Variants in TIAM1 observed in about 807,000 individuals in gnomAD.
TIAM1 encodes TIAM Rac1 associated GEF 1, also known as rho guanine nucleotide exchange factor TIAM1.
TIAM1 carries 65 observed loss-of-function variants against 163.5 expected under a neutral mutation model. The ratio of observed to expected loss-of-function variants is 0.40; its 90% CI spans 0.33 to 0.49. The LOEUF is 0.49. Ranked by LOEUF, TIAM1 falls within the 20% of genes least tolerant of loss-of-function variation. TIAM1 has a pLI of 0.77. For synonymous variants in TIAM1, 833 were observed against 810.1 expected, an observed-to-expected ratio of 1.03 and a Z score of -0.48; for missense variants, 1,789 against 2,044.7, an observed-to-expected ratio of 0.87 and a Z score of 2.41.
At chr21:31,410,423 C>T (rs1015607418) in intron 2 of TIAM1, among the ~76,000 whole-genome samples, 10 of 150,348 alleles carry the variant, frequency 6.7e-5, no homozygotes, top group Admixed American at 2.7e-4. Context: ...TATGTGAGTG[C>T]GTAAGTGTAT....
chr21:31,398,324 T>C (rs924602059), intron 2 of TIAM1, among the ~76,000 whole-genome samples: 2 of 152,174 alleles, frequency 1.3e-5, no homozygotes, highest in African/African-American at 4.8e-5. Flanking sequence ...TCCTTCTGAA[T>C]GAAGAACTGT....
At chr21:31,279,424 T>C (rs2073445971) in intron 2 of TIAM1, among the ~76,000 whole-genome samples, 1 of 152,232 alleles carries the variant, frequency 6.6e-6, no homozygotes, top group Non-Finnish European at 1.5e-5. Context: ...ATTTGGGAAC[T>C]ATCAGTACTC....
chr21:31,365,167 A>T (rs2076477661), intron 2 of TIAM1, among the ~76,000 whole-genome samples: 1 of 152,136 alleles, frequency 6.6e-6, no homozygotes, highest in African/African-American at 2.4e-5. Flanking sequence ...CTAGTCTCCA[A>T]ACACGCCAGT....
chr21:31,424,166 C>T (rs549210461), intron 2 of TIAM1, among the ~76,000 whole-genome samples: 1 of 152,280 alleles, frequency 6.6e-6, no homozygotes, highest in South Asian at 2.1e-4. Flanking sequence ...CTTTCTTTTT[C>T]ATTTTTAATA....
chr21:31,532,955 T>A (rs2048017850), intron 1 of TIAM1, among the ~76,000 whole-genome samples: 1 of 152,100 alleles, frequency 6.6e-6, no homozygotes, highest in African/African-American at 2.4e-5. Context: ...TAAATATACC[T>A]ACCCTAGCAG....
chr21:31,197,276 A>C (rs1171351044), intron 12 of TIAM1, among the ~76,000 whole-genome samples: 4 of 152,250 alleles, frequency 2.6e-5, no homozygotes, highest in Non-Finnish European at 5.9e-5. Flanking sequence ...TTTAAACAAA[A>C]AAGGCTGGAA....
At chr21:31,314,613 T>C (rs1052522669) in intron 2 of TIAM1, among the ~76,000 whole-genome samples, 2 of 151,804 alleles carry the variant, frequency 1.3e-5, no homozygotes, top group African/African-American at 4.9e-5. Context: ...TATTCCAATA[T>C]ATTTTTTTAG....
At chr21:31,459,884 G>C (rs922317188) in intron 2 of TIAM1, among the ~76,000 whole-genome samples, 2 of 152,210 alleles carry the variant, frequency 1.3e-5, no homozygotes, top group Non-Finnish European at 2.9e-5. Flanking sequence ...ACTGGAGCCG[G>C]ATGGTGCATG....
At chr21:31,165,770 A>G (rs1452160105) in intron 15 of TIAM1, among the ~76,000 whole-genome samples, 1 of 152,186 alleles carries the variant, frequency 6.6e-6, no homozygotes, top group African/African-American at 2.4e-5. Context: ...AATTACTAAA[A>G]TAATTAAATA....
At chr21:31,219,024 CTTTTTTTTTTT>C (rs35555743) in intron 8 of TIAM1, among the ~76,000 whole-genome samples, 28 of 88,528 alleles carry the variant, frequency 3.2e-4, no homozygotes, top group African/African-American at 3.8e-4. Context: ...GAAGCATTTC[CTTTTTTTTTTT>C]TTTTTTTTTT....
At position 31,395,546 on chromosome 21, in the gene TIAM1, A is replaced by G. The variant is rs1368826220; in HGVS notation, c.-368-56124T>C. ...AGGCGAAGAGAAGGGCCAACCCTGC[A>G]TTTTCTGCCACAGGAGAATGTATTG... On this transcript the variant is annotated intron_variant, in intron 2 of 28. Coordinates refer to the TIAM1 transcript ENST00000286827. This position sits in a 1 kb window ranked among gnomAD's most constrained non-coding sequence, Gnocchi z 7.5. Among the ~76,000 whole-genome samples, 1 of 152,226 alleles carries G rather than the reference A, an allele frequency of 6.6e-6. No homozygotes were observed. Among genetic ancestry groups the G allele is most frequent in the Non-Finnish European group, 1.5e-5 (1 of 68,046 alleles).
chr21:31,473,200 C>A (rs527624818), intron 1 of TIAM1, among the ~76,000 whole-genome samples: 5 of 152,202 alleles, frequency 3.3e-5, no homozygotes, highest in Non-Finnish European at 7.4e-5. Context: ...GGAGGCCAAG[C>A]GGGCAGATCA....
chr21:31,505,807 C>T (rs575087087), intron 1 of TIAM1, among the ~76,000 whole-genome samples: 10 of 152,012 alleles, frequency 6.6e-5, no homozygotes, highest in African/African-American at 1.7e-4. Flanking sequence ...GAGTTCGAGA[C>T]GAGCATGGCC....
Position 31,136,011 on chromosome 21 carries a change from A to C in TIAM1, c.3805T>G (p.Leu1269Val). 1.2e-6 allele frequency: 2 copies of C among 1,614,138 alleles called. No individual in the cohort carries two copies. Among genetic ancestry groups the C allele is most frequent in the South Asian group, 2.2e-5 (2 of 91,082 alleles). Residue 1269 changes from leucine (L) to valine (V), a missense_variant, in exon 23 of 28, where the codon TTG (leucine) becomes GTG (valine). By Grantham distance (32) the Leu-to-Val change is conservative. Transcript: ENST00000541036. The part of the protein sequence containing the change: ...VADLSMGDLL[L>V]HTTVIWLNPP... ...TTCAGCCAGATCACGGTAGTGTGCA[A>C]AAGCAGGTCTCCCATGCTCAGATCT...
At chr21:31,182,748 C>A in intron 14 of TIAM1, 103 bp from the exon 15 acceptor site, 1 of 1,183,922 alleles carries the variant, frequency 8.4e-7, no homozygotes. Context: ...GGTCTCACAG[C>A]CCCAGGTGCT....
intron 1 of TIAM1, among the ~76,000 whole-genome samples, chr21:31,464,703 C>T (rs984293429): frequency 2.0e-5 from 3 of 151,912 alleles, no homozygotes; most frequent in Non-Finnish European, 2.9e-5. Flanking sequence ...ATTAGCCAGG[C>T]GTGGGGGCAT....
chr21:31,178,318 T>TG (rs2084861302), intron 15 of TIAM1, among the ~76,000 whole-genome samples: 1 of 143,404 alleles, frequency 7.0e-6, no homozygotes, highest in Admixed American at 6.9e-5. Context: ...TTTTTTTTTT[T>TG]TTTTTTTTGA....
chr21:31,223,410 G>A lies in TIAM1; in HGVS notation c.1991C>T (p.Ala664Val). Residue 664 changes from alanine to valine, a missense_variant, in exon 8 of 28, where the codon GCC becomes GTC. Around this residue, in one of 5 missense-constraint regions of TIAM1, gnomAD observed 456 missense variants for 586.6 expected, o/e 0.78. Coordinates refer to ENST00000541036, the MANE Select transcript of TIAM1 (RefSeq NM_001353694.2). ...LGIFSVSSFH[A>V]LVAARTGETG... ...AATTCATTAGCTTCTACTCACCAGG[G>A]CATGAAACGATGATACCGAAAAGAT... is the stretch of plus-strand genomic sequence containing the variant. 1 of 1,610,728 alleles carries A rather than the reference G, an allele frequency of 6.2e-7. No homozygotes were observed. The highest frequency in any genetic ancestry group is 8.5e-7 in the Non-Finnish European group (1 of 1,177,986).
intron 1 of TIAM1, among the ~76,000 whole-genome samples, chr21:31,499,210 C>A (rs1368048547): frequency 1.3e-5 from 2 of 152,016 alleles, no homozygotes; most frequent in African/African-American, 4.8e-5. Context: ...AAGGTCCTCA[C>A]CCCATCTCCC....
Sources: allele counts gnomAD v4.1 joint callset (sites outside exome capture counted in the v4.1 genomes callset), GRCh38; gene constraint gnomAD v4.1.1; regional missense constraint gnomAD v4.1.1; non-coding constraint Gnocchi (gnomAD v3.1); transcripts MANE v1.5; gene names NCBI Gene and HGNC (gene_info 2026-07-23, HGNC 2026-07-21).